DCDC2: variants seen among roughly 807,000 people sequenced by gnomAD.
The protein encoded by DCDC2 is doublecortin domain-containing protein 2.
A neutral mutation model predicts 50.2 loss-of-function variants in DCDC2; 40 were observed. The ratio of observed to expected loss-of-function variants is 0.80; its 90% CI spans 0.62 to 1.04. The LOEUF is 1.04. Among genes scored for constraint, DCDC2 ranks in the 50% least tolerant of loss-of-function variants. The pLI is 0.00. For synonymous variants in DCDC2, 234 were observed against 210.6 expected, an observed-to-expected ratio of 1.11 and a Z score of -0.96; for missense variants, 570 against 581.9, an observed-to-expected ratio of 0.98 and a Z score of 0.21.
At chr6:24,216,303 G>A (rs1048196166) in intron 7 of DCDC2, among the ~76,000 whole-genome samples, 4 of 151,608 alleles carry the variant, frequency 2.6e-5, no homozygotes, top group Non-Finnish European at 5.9e-5. Context: ...CACAAAGATC[G>A]AAAAGAAATA....
Position 24,338,161 on chromosome 6 carries a change from G to A in DCDC2, c.348+15408C>T, listed in dbSNP as rs1352887257. Among the ~76,000 whole-genome samples the A allele has an allele frequency of 1.3e-5, 2 of 152,156 alleles. 1 individual carries two copies. Among genetic ancestry groups the A allele is most frequent in the East Asian group, 3.9e-4 (2 of 5,194 alleles). On this transcript the variant is annotated intron_variant, in intron 2 of 9. Transcript: ENST00000378454. ...AATCCCTACTTCATAAGGTTGTTGT[G>A]AGGATTATATCATCTTTGTAAAGTA...
At chr6:24,374,168 A>G in the DCDC2 span, among the ~76,000 whole-genome samples, 2 of 151,578 alleles carry the variant, frequency 1.3e-5, no homozygotes, top group Admixed American at 6.6e-5. Context: ...TTTCAAAAAA[A>G]AAAAAAAAAA....
chr6:24,362,405 A>G (rs2792669), upstream of DCDC2, among the ~76,000 whole-genome samples: 9,947 of 73,574 alleles, frequency 0.14, 1,515 homozygotes, highest in African/African-American at 0.19. Flanking sequence ...TTAATTGTAT[A>G]TTTATACAAT....
chr6:24,297,514 A>C (rs541047671), intron 4 of DCDC2, among the ~76,000 whole-genome samples: 1 of 152,202 alleles, frequency 6.6e-6, no homozygotes, highest in African/African-American at 2.4e-5. Flanking sequence ...TTTGAGCAAC[A>C]TAACTATACT....
chr6:24,248,737 A>C (rs1762738035), intron 7 of DCDC2, among the ~76,000 whole-genome samples: 1 of 152,204 alleles, frequency 6.6e-6, no homozygotes, highest in Non-Finnish European at 1.5e-5. Flanking sequence ...AAATGCACTG[A>C]CCTACCTCAT....
At chr6:24,364,962 G>A in the DCDC2 span, among the ~76,000 whole-genome samples, 3 of 152,206 alleles carry the variant, frequency 2.0e-5, no homozygotes, top group African/African-American at 7.2e-5. Context: ...CTTTACAATT[G>A]GTTTTCACAT....
intron 2 of DCDC2, among the ~76,000 whole-genome samples, chr6:24,351,915 C>T (rs539979047): frequency 6.6e-6 from 1 of 152,230 alleles, no homozygotes; most frequent in South Asian, 2.1e-4. Context: ...ACCAGCCTGA[C>T]CAACATGCTG....
At chr6:24,371,833 A>T in the DCDC2 span, among the ~76,000 whole-genome samples, 1 of 152,250 alleles carries the variant, frequency 6.6e-6, no homozygotes, top group Admixed American at 6.5e-5. Flanking sequence ...GACACTTCTC[A>T]AAAGAAGACA....
At chr6:24,327,812 A>G (rs1177764139) in intron 2 of DCDC2, among the ~76,000 whole-genome samples, 2 of 152,268 alleles carry the variant, frequency 1.3e-5, no homozygotes, top group Non-Finnish European at 2.9e-5. Context: ...GAGTGTTACT[A>G]GTAAACAAAA....
intron 7 of DCDC2, among the ~76,000 whole-genome samples, chr6:24,259,855 A>C (rs1317720321): frequency 6.6e-6 from 1 of 152,100 alleles, no homozygotes; most frequent in Non-Finnish European, 1.5e-5. Flanking sequence ...AACACTTCTG[A>C]GTCTCCAACT....
chr6:24,297,674 A>G (rs1759282328), intron 4 of DCDC2, among the ~76,000 whole-genome samples: 1 of 152,120 alleles, frequency 6.6e-6, no homozygotes, highest in African/African-American at 2.4e-5. Context: ...ATTTACATTT[A>G]TGTATATGTC....
upstream of DCDC2, among the ~76,000 whole-genome samples, chr6:24,359,168 T>TATATATATTTTATATATTATATA: frequency 1.1e-4 from 8 of 70,538 alleles, no homozygotes; most frequent in African/African-American, 5.1e-4. Context: ...TTTTATATAT[T>TATATATATTTTATATATTATATA]TTATATATAT....
chr6:24,183,681 T>C (rs554973120), intron 8 of DCDC2, among the ~76,000 whole-genome samples: 1 of 152,140 alleles, frequency 6.6e-6, no homozygotes, highest in Non-Finnish European at 1.5e-5. Flanking sequence ...ATGACTTCAG[T>C]GATTGGGCCA....
At position 24,304,352 on chromosome 6, in the gene DCDC2, G is replaced by T. The variant is rs146839136; in HGVS notation, c.349-2308C>A. Among the ~76,000 whole-genome samples, 792 of 152,260 alleles carry T rather than the reference G, an allele frequency of 5.2e-3. 5 individuals are homozygous for T. Among genetic ancestry groups the T allele is most frequent in the Non-Finnish European group, 7.2e-3 (493 of 68,010 alleles). The stretch of plus-strand genomic sequence containing the variant: ...ACAAAACTTAGCTGAGTGTGGTGGT[G>T]TGCACCTGTAGTTCCAGCTACTCAG... On this transcript the variant is annotated intron_variant, in intron 2 of 9. Transcript: ENST00000378454.
the DCDC2 span, among the ~76,000 whole-genome samples, chr6:24,375,156 T>TC: frequency 2.0e-5 from 3 of 152,098 alleles, no homozygotes; most frequent in African/African-American, 7.2e-5. Context: ...TACCACCCTC[T>TC]CCCCTGCTGT....
intron 7 of DCDC2, among the ~76,000 whole-genome samples, chr6:24,214,164 T>C (rs1355451149): frequency 2.0e-5 from 3 of 152,236 alleles, no homozygotes; most frequent in African/African-American, 4.8e-5. Flanking sequence ...TTGGCTTCTT[T>C]CTATTCTCCA....
chr6:24,245,458 T>C (rs1356047774), intron 7 of DCDC2, among the ~76,000 whole-genome samples: 2 of 152,136 alleles, frequency 1.3e-5, no homozygotes, highest in East Asian at 1.9e-4. Flanking sequence ...ACTTCAACCA[T>C]GTACTGTGAG....
At chr6:24,281,026 G>A (rs1466117356) in intron 6 of DCDC2, among the ~76,000 whole-genome samples, 2 of 152,090 alleles carry the variant, frequency 1.3e-5, no homozygotes, top group Non-Finnish European at 2.9e-5. Flanking sequence ...TACTCACAAA[G>A]GGGCACGACA....
chr6:24,207,203 C>T (rs1480736921), intron 7 of DCDC2, among the ~76,000 whole-genome samples: 1 of 150,908 alleles, frequency 6.6e-6, no homozygotes, highest in African/African-American at 2.4e-5. Context: ...CCAGAGACAG[C>T]CATCACTAAT....
Sources: allele counts gnomAD v4.1 joint callset (sites outside exome capture counted in the v4.1 genomes callset), GRCh38; gene constraint gnomAD v4.1.1; transcripts MANE v1.5; gene names NCBI Gene and HGNC (gene_info 2026-07-23, HGNC 2026-07-21).